Variants in CADM3 observed in about 807,000 individuals in gnomAD.
The protein encoded by CADM3 is TSLC1-like 1.
CADM3 carries 11 observed loss-of-function variants against 44.9 expected under a neutral mutation model. The observed-to-expected ratio is 0.25, with a 90% CI of 0.15 to 0.41. CADM3 has a LOEUF of 0.41. CADM3 is among the 10% of genes least tolerant of loss of function. CADM3 has a pLI of 1.00. For missense variants in CADM3, 426 were observed against 512.0 expected (o/e 0.83, Z 1.62); for synonymous variants, 207 against 205.2 (o/e 1.01, Z -0.08).
chr1:159,181,434 A>T (rs1456101176), intron 1 of CADM3, among the ~76,000 whole-genome samples: 1 of 152,158 alleles, frequency 6.6e-6, no homozygotes, highest in Admixed American at 6.5e-5. Context: ...GGCTGTTATC[A>T]TCCTGTCTTC....
At chr1:159,188,137 G>A (rs183891641) in intron 1 of CADM3, among the ~76,000 whole-genome samples, 2 of 152,054 alleles carry the variant, frequency 1.3e-5, no homozygotes, top group Admixed American at 6.5e-5. Context: ...GAGAAGAGGG[G>A]AGGTGCCTCC....
At chr1:159,195,822 T>C (rs1257060759) in intron 5 of CADM3, 1 of 152,714 alleles carries the variant, frequency 6.5e-6, no homozygotes, top group Non-Finnish European at 1.5e-5. Context: ...ACAGAGCCCT[T>C]CTATATTGTG....
chr1:159,172,597 T>C (rs1273173882), intron 1 of CADM3, among the ~76,000 whole-genome samples: 1 of 151,800 alleles, frequency 6.6e-6, no homozygotes. Context: ...AAAGAAAGAA[T>C]CAAGATATTT....
intron 1 of CADM3, among the ~76,000 whole-genome samples, chr1:159,174,524 G>A (rs909110219): frequency 2.0e-5 from 3 of 152,232 alleles, no homozygotes; most frequent in Non-Finnish European, 4.4e-5. Flanking sequence ...TGTTGTGGTA[G>A]CATACCTATT....
chr1:159,193,642 A>T lies in CADM3; in HGVS notation c.520+82A>T, dbSNP rs573107000. On this transcript the variant is annotated intron_variant, in intron 4 of 8. Transcript: ENST00000368125. The stretch of plus-strand genomic sequence containing the variant: ...GTGCCTGTCTGTGAACGTACACAGG[A>T]GGCATGGTATGGAAGAGAAAAGGGG... The T allele has an allele frequency of 3.2e-6, 5 of 1,586,258 alleles. No homozygotes were observed. The African/African-American group carries it at 6.7e-5, about 21-fold the overall frequency.
At chr1:159,173,009 A>G (rs112455275) in intron 1 of CADM3, among the ~76,000 whole-genome samples, 1 of 151,866 alleles carries the variant, frequency 6.6e-6, no homozygotes, top group African/African-American at 2.4e-5. Flanking sequence ...TCCTCCCCCC[A>G]CCGCCCTGTC....
chr1:159,192,940 C>T (rs1649734202), intron 3 of CADM3, among the ~76,000 whole-genome samples: 1 of 152,186 alleles, frequency 6.6e-6, no homozygotes, highest in Admixed American at 6.5e-5. Flanking sequence ...GGACAAGGTT[C>T]TTACTCTCTT....
Position 159,176,806 on chromosome 1 carries a change from G to A in CADM3, c.88+4953G>A, listed in dbSNP as rs571427997. On this transcript the variant is annotated intron_variant, in intron 1 of 8. Transcript: ENST00000368125. ...GAAGTAAAGGTACATATTCTTCACT[G>A]AAGCAGCAACTACTAAAGAATCATT... Among the ~76,000 whole-genome samples the A allele has an allele frequency of 2.6e-5, 4 of 152,294 alleles. No homozygotes were observed. The South Asian group carries it at 8.3e-4, about 32-fold the overall frequency.
At chr1:159,177,571 C>T (rs1649072372) in intron 1 of CADM3, among the ~76,000 whole-genome samples, 1 of 152,144 alleles carries the variant, frequency 6.6e-6, no homozygotes, top group South Asian at 2.1e-4. Context: ...GTCCCCAGAA[C>T]AGGGCTGAAA....
intron 1 of CADM3, among the ~76,000 whole-genome samples, chr1:159,172,580 G>A (rs1186785261): frequency 2.0e-5 from 3 of 152,152 alleles, no homozygotes; most frequent in Non-Finnish European, 4.4e-5. Context: ...GGGTAGGGGG[G>A]AGCGCAAAAG....
chr1:159,196,754 C>G, intron 6 of CADM3, 137 bp from the exon 7 acceptor site: 1 of 851,436 alleles, frequency 1.2e-6, no homozygotes, highest in East Asian at 2.6e-5. Context: ...TATAGCAGCT[C>G]CAGTGTCTCT....
At position 159,194,001 on chromosome 1, in the gene CADM3, G is replaced by C. The variant is rs1649787367; in HGVS notation, c.652G>C (p.Gly218Arg). 1.1e-5 allele frequency: 17 copies of C among 1,613,978 alleles called. No homozygotes were observed. The highest frequency in any genetic ancestry group is 1.4e-5 in the Non-Finnish European group (17 of 1,180,034). The change falls in exon 5 of 9, where the codon GGA becomes CGA. Residue 218 changes from glycine to arginine, a missense_variant. By Grantham distance (125) the Gly-to-Arg change is moderately radical. Transcript: ENST00000368125. ...CTCTGTGAACCATGAATCTCTAAAG[G>C]GAGCTGACAGATCCACCTCTCAACG... The part of the protein sequence containing the change: ...VCSVNHESLK[G>R]ADRSTSQRIE...
At chr1:159,196,191 T>C in intron 5 of CADM3, 173 bp from the exon 6 acceptor site, 1 of 579,794 alleles carries the variant, frequency 1.7e-6, no homozygotes, top group Non-Finnish European at 3.1e-6. Flanking sequence ...GTTGCTCACA[T>C]ATTCAATAGC....
intron 4 of CADM3, 112 bp downstream of exon 4, chr1:159,193,672 A>G: frequency 6.6e-7 from 1 of 1,513,230 alleles, no homozygotes; most frequent in Non-Finnish European, 9.1e-7. Context: ...AAGGGGAATG[A>G]CATATATTTT....
intron 1 of CADM3, among the ~76,000 whole-genome samples, chr1:159,179,828 T>C (rs569075560): frequency 7.4e-4 from 112 of 152,156 alleles, no homozygotes; most frequent in Non-Finnish European, 8.8e-5. Context: ...GCCCAGCAAA[T>C]GCAAAAATTA....
rs966873939 is a variant in CADM3, at chr1:159,194,120, A to G, written c.691+80A>G. 6.4e-6 allele frequency: 9 copies of G among 1,405,632 alleles called. No homozygotes were observed. In the African/African-American group the frequency reaches 1.0e-4, roughly 16 times the overall value. The allele number at this position is 1,405,632 out of a possible 1,614,324, so 87.1% of individuals were successfully genotyped here. A position where few individuals can be genotyped will look rare whatever the true frequency, so the allele number is the denominator to read the frequency against. On this transcript the variant is annotated intron_variant, in intron 5 of 8. Coordinates refer to ENST00000368125, the MANE Select transcript of CADM3 (RefSeq NM_001127173.3). ...AGAAAGAGAATGCAGGTGACTGTGC[A>G]TGAAACAACACGCACAGTTAAGTGA...
At chr1:159,186,762 C>T (rs1649435244) in intron 1 of CADM3, among the ~76,000 whole-genome samples, 1 of 152,052 alleles carries the variant, frequency 6.6e-6, no homozygotes, top group Non-Finnish European at 1.5e-5. Flanking sequence ...CAAGAGAAGA[C>T]ATGAGATTAT....
intron 1 of CADM3, among the ~76,000 whole-genome samples, chr1:159,172,284 G>A (rs981835317): frequency 2.0e-5 from 3 of 152,110 alleles, no homozygotes; most frequent in Non-Finnish European, 4.4e-5. Flanking sequence ...TGTGTCGGGT[G>A]TTTGTGTATG....
rs1382415946 is a variant in CADM3, at chr1:159,201,339, G to A, written c.*417G>A. Reference sequence around the variant, plus strand: ...TAAGGGGCAGGGCTGGTTTCAGCTGGGGGCTCTCACCAGCCCTCCTTTCAG... The same window carrying A: ...TAAGGGGCAGGGCTGGTTTCAGCTGAGGGCTCTCACCAGCCCTCCTTTCAG... On this transcript the variant is annotated 3_prime_UTR_variant, in exon 9 of 9. Transcript: ENST00000368125. 6.6e-6 allele frequency: 1 copy of A among 152,428 alleles called. No individual in the cohort carries two copies. 9.4% of individuals were successfully genotyped at this position (152,428 alleles called of 1,614,324 possible).
Sources: allele counts gnomAD v4.1 joint callset (sites outside exome capture counted in the v4.1 genomes callset), GRCh38; gene constraint gnomAD v4.1.1; transcripts MANE v1.5; gene names NCBI Gene and HGNC (gene_info 2026-07-23, HGNC 2026-07-21).